The following RYR2 variants were observed in gnomAD, a reference collection of about 807,000 sequenced individuals.
The protein encoded by RYR2 is ryanodine receptor 2.
RYR2 carries 227 observed loss-of-function variants against 601.1 expected under a neutral mutation model. That is an observed-to-expected ratio of 0.38 (90% CI 0.34 to 0.42). RYR2 has a LOEUF of 0.42. Ranked by LOEUF, RYR2 falls within the 10% of genes least tolerant of loss-of-function variation. The pLI is 1.00. For missense variants in RYR2, 4,646 were observed against 6,156.5 expected (o/e 0.75, Z 8.21); for synonymous variants, 2,223 against 2,175.1 (o/e 1.02, Z -0.61).
chr1:237,346,991 G>T (rs2149648471), intron 3 of RYR2, among the ~76,000 whole-genome samples: 1 of 152,156 alleles, frequency 6.6e-6, no homozygotes, highest in East Asian at 1.9e-4. Flanking sequence ...TCAGTTTGAG[G>T]TCCTGTGAGT....
chr1:237,717,138 T>C (rs2149100008), intron 71 of RYR2, 60 bp from the exon 72 acceptor site: 4 of 1,488,158 alleles, frequency 2.7e-6, no homozygotes, highest in Non-Finnish European at 1.9e-6. Flanking sequence ...GGAAGAGTCA[T>C]AGTGGTTCTA....
intron 27 of RYR2, among the ~76,000 whole-genome samples, chr1:237,563,950 T>C (rs1459973915): frequency 6.6e-6 from 1 of 152,190 alleles, no homozygotes; most frequent in African/African-American, 2.4e-5. Context: ...GACTATAGTA[T>C]ATACTAATTC....
chr1:237,270,401 A>T lies in RYR2; in HGVS notation c.49-96A>T, dbSNP rs1376013482. On this transcript the variant is annotated intron_variant, in intron 1 of 104. Coordinates refer to ENST00000366574, the MANE Select transcript of RYR2 (RefSeq NM_001035.3). ...GTTTTTACATTCGGCACAGATTTTT[A>T]AAATGCACTAAAATAATGTTCTTCA... 4.0e-6 allele frequency: 6 copies of T among 1,494,472 alleles called. No individual in the cohort carries two copies. The East Asian group carries it at 9.9e-5, about 25-fold the overall frequency. The allele number at this position is 1,494,472 out of a possible 1,614,324, so 92.6% of individuals were successfully genotyped here.
chr1:237,824,130 C>A (rs1035896392), intron 101 of RYR2, among the ~76,000 whole-genome samples: 3 of 152,162 alleles, frequency 2.0e-5, no homozygotes, highest in African/African-American at 7.2e-5. Flanking sequence ...TCCTTTGAAA[C>A]TATTCCCAAC....
At chr1:237,808,313 C>G (rs1440112590) in intron 99 of RYR2, among the ~76,000 whole-genome samples, 1 of 151,978 alleles carries the variant, frequency 6.6e-6, no homozygotes, top group Non-Finnish European at 1.5e-5. Flanking sequence ...ACAGTCATAA[C>G]AAAAACGAAA....
At chr1:237,332,771 T>C (rs1396105484) in intron 3 of RYR2, among the ~76,000 whole-genome samples, 1 of 152,242 alleles carries the variant, frequency 6.6e-6, no homozygotes, top group Non-Finnish European at 1.5e-5. Context: ...ATCTTTTATC[T>C]TCTTCAAATC....
intron 71 of RYR2, among the ~76,000 whole-genome samples, chr1:237,713,985 A>G (rs1386922638): frequency 1.3e-5 from 2 of 151,974 alleles, no homozygotes; most frequent in East Asian, 3.9e-4. Context: ...AATATTAGAA[A>G]ATTTTTTGTA....
chr1:237,234,057 T>C (rs554971710), intron 1 of RYR2, among the ~76,000 whole-genome samples: 2 of 152,214 alleles, frequency 1.3e-5, no homozygotes, highest in South Asian at 4.2e-4. Flanking sequence ...GGTCTACTGG[T>C]CAGAGCAAGA....
intron 35 of RYR2, among the ~76,000 whole-genome samples, chr1:237,606,795 T>A (rs10925472): frequency 0.55 from 84,068 of 152,022 alleles, 27,249 homozygotes; most frequent in Non-Finnish European, 0.71. Flanking sequence ...TCAAAAGAAG[T>A]CATTTATGCA....
At chr1:237,820,493 C>T (rs2102843710) in intron 101 of RYR2, among the ~76,000 whole-genome samples, 1 of 152,282 alleles carries the variant, frequency 6.6e-6, no homozygotes, top group African/African-American at 2.4e-5. Context: ...CACTCCAGCC[C>T]AGATACCATG....
At chr1:237,617,554 C>T (rs1015424658) in intron 38 of RYR2, 68 bp downstream of exon 38, 25 of 1,429,978 alleles carry the variant, frequency 1.7e-5, no homozygotes, top group Non-Finnish European at 2.0e-5. Flanking sequence ...CTCTGCCTTG[C>T]AAAATTATAT....
At chr1:237,398,238 G>A (rs1274852843) in intron 10 of RYR2, among the ~76,000 whole-genome samples, 1 of 152,100 alleles carries the variant, frequency 6.6e-6, no homozygotes, top group African/African-American at 2.4e-5. Flanking sequence ...CAGTTGGGGG[G>A]CTTGGTATCT....
chr1:237,559,816 T>C (rs983619849), intron 27 of RYR2, among the ~76,000 whole-genome samples: 1 of 152,242 alleles, frequency 6.6e-6, no homozygotes, highest in African/African-American at 2.4e-5. Flanking sequence ...GTTGTGCTTA[T>C]TGTCATTGTT....
chr1:237,587,055 C>T (rs1035062428), intron 29 of RYR2, among the ~76,000 whole-genome samples: 5 of 152,092 alleles, frequency 3.3e-5, no homozygotes, highest in South Asian at 2.1e-4. Flanking sequence ...TATTAGACCA[C>T]GAGCACGTTT....
chr1:237,620,125 G>A (rs534751775), intron 38 of RYR2, among the ~76,000 whole-genome samples: 1 of 152,090 alleles, frequency 6.6e-6, no homozygotes, highest in Non-Finnish European at 1.5e-5. Context: ...TAAAACTGAT[G>A]TGTTTCTAAA....
chr1:237,096,568 T>A (rs182282621), intron 1 of RYR2, among the ~76,000 whole-genome samples: 10 of 152,322 alleles, frequency 6.6e-5, no homozygotes, highest in Admixed American at 6.5e-4. Flanking sequence ...TTGGTATATA[T>A]TTGGCAAGGG....
intron 35 of RYR2, among the ~76,000 whole-genome samples, chr1:237,609,935 G>GT (rs35008637): frequency 1.3e-5 from 2 of 152,024 alleles, no homozygotes; most frequent in East Asian, 3.9e-4. Flanking sequence ...CCAGTACTTG[G>GT]TTTTTCCCCG....
intron 1 of RYR2, among the ~76,000 whole-genome samples, chr1:237,051,173 T>G (rs1340842698): frequency 1.3e-5 from 1 of 74,380 alleles, no homozygotes. Flanking sequence ...CTCCCCTCCC[T>G]TCCCCCTTCC....
chr1:237,178,945 A>C (rs1027689347), intron 1 of RYR2, among the ~76,000 whole-genome samples: 1 of 152,194 alleles, frequency 6.6e-6, no homozygotes, highest in Non-Finnish European at 1.5e-5. Flanking sequence ...ATAAACTACT[A>C]TCCTAGCAGT....
Sources: gnomAD v4.1 joint callset for allele counts (sites outside exome capture counted in the v4.1 genomes callset) on GRCh38, gnomAD v4.1.1 for gene constraint, MANE v1.5 for transcripts, NCBI Gene and HGNC (gene_info 2026-07-23, HGNC 2026-07-21) for gene names.